Variants in PTPRT observed in about 807,000 individuals in gnomAD.
The protein encoded by PTPRT is receptor-type tyrosine-protein phosphatase T.
In PTPRT, 56 loss-of-function variants were observed where a neutral mutation model predicts 176.8. The observed-to-expected ratio is 0.32, with a 90% confidence interval of 0.26 to 0.40. The LOEUF (loss-of-function observed/expected upper bound fraction) is 0.40, where lower values mean the gene tolerates loss of function less well. Among genes scored for constraint, PTPRT ranks in the 10% least tolerant of loss-of-function variants. PTPRT has a pLI of 1.00. For missense variants in PTPRT, 1,540 were observed against 1,908.2 expected (o/e 0.81, Z 3.60); for synonymous variants, 783 against 739.0 (o/e 1.06, Z -0.96).
intron 6 of PTPRT, among the ~76,000 whole-genome samples, chr20:42,755,807 T>G (rs1392430351): frequency 6.6e-6 from 1 of 150,974 alleles, no homozygotes; most frequent in African/African-American, 2.4e-5. Context: ...AATGGGGGGG[T>G]TTAACAAAAT....
chr20:42,557,962 G>T (rs573041750), intron 7 of PTPRT, among the ~76,000 whole-genome samples: 1 of 152,298 alleles, frequency 6.6e-6, no homozygotes, highest in African/African-American at 2.4e-5. Context: ...CTGAAAGGTA[G>T]TTAGTATTGT....
chr20:42,370,554 G>C lies in PTPRT; in HGVS notation c.1561-18269C>G, dbSNP rs79777273. On this transcript the variant is annotated intron_variant, in intron 9 of 30. Transcript: ENST00000373187. ...ACAATGTAAGCCACTTACTAGCTTT[G>C]AGACTTTGGGCAAGGTGCTTAGCAT... Among the ~76,000 whole-genome samples the C allele has an allele frequency of 9.2e-5, 14 of 152,276 alleles. No homozygotes were observed. The East Asian group carries it at 2.3e-3, about 25-fold the overall frequency.
At chr20:43,020,355 T>C (rs1600653060) in intron 1 of PTPRT, among the ~76,000 whole-genome samples, 2 of 151,654 alleles carry the variant, frequency 1.3e-5, no homozygotes, top group South Asian at 4.2e-4. Context: ...AGAATACATG[T>C]TTATGTGTGC....
At chr20:42,918,759 G>A (rs962459589) in intron 1 of PTPRT, among the ~76,000 whole-genome samples, 1 of 152,132 alleles carries the variant, frequency 6.6e-6, no homozygotes, top group African/African-American at 2.4e-5. Flanking sequence ...CTGCAATCAG[G>A]GGTCAGACAG....
intron 1 of PTPRT, among the ~76,000 whole-genome samples, chr20:43,156,577 C>T (rs2014529112): frequency 6.6e-6 from 1 of 152,196 alleles, no homozygotes; most frequent in Non-Finnish European, 1.5e-5. Flanking sequence ...GTTCCAAAAC[C>T]TGTCCTGAGA....
chr20:42,692,665 AAAAAGAAAT>A (rs2075810077), intron 6 of PTPRT, among the ~76,000 whole-genome samples: 1 of 152,222 alleles, frequency 6.6e-6, no homozygotes, highest in Non-Finnish European at 1.5e-5. Flanking sequence ...ATGAGGCAAG[AAAAAGAAAT>A]AAAAGAAATA....
chr20:43,082,552 T>C (rs6072971), intron 1 of PTPRT, among the ~76,000 whole-genome samples: 70,398 of 151,924 alleles, frequency 0.46, 16,872 homozygotes, highest in East Asian at 0.75. Context: ...CATGTTAGCA[T>C]TGTCTGGAAA....
At chr20:42,737,136 T>C (rs1205766529) in intron 6 of PTPRT, among the ~76,000 whole-genome samples, 3 of 152,142 alleles carry the variant, frequency 2.0e-5, no homozygotes, top group Non-Finnish European at 4.4e-5. Context: ...AGGGTCTTTG[T>C]AGATGTAATC....
At chr20:42,783,950 C>T (rs1216360637) in intron 3 of PTPRT, among the ~76,000 whole-genome samples, 1 of 152,116 alleles carries the variant, frequency 6.6e-6, no homozygotes, top group African/African-American at 2.4e-5. Flanking sequence ...ACCCTGAGTA[C>T]AGGGAGTGGA....
chr20:43,108,522 T>G (rs1049761596), intron 1 of PTPRT, among the ~76,000 whole-genome samples: 1 of 152,124 alleles, frequency 6.6e-6, no homozygotes, highest in African/African-American at 2.4e-5. Flanking sequence ...TTGGGCGATT[T>G]GTTATGCAGC....
chr20:42,822,227 G>A (rs2077907472), intron 2 of PTPRT, among the ~76,000 whole-genome samples: 1 of 152,056 alleles, frequency 6.6e-6, no homozygotes. Flanking sequence ...GAACAGAATA[G>A]AGACCTCAGA....
chr20:42,625,438 T>G (rs2074271835), intron 7 of PTPRT, among the ~76,000 whole-genome samples: 1 of 150,876 alleles, frequency 6.6e-6, no homozygotes, highest in African/African-American at 2.4e-5. Flanking sequence ...CTTTTCTAGT[T>G]TTTTTTTTTC....
At chr20:42,971,733 A>G (rs1050956286) in intron 1 of PTPRT, among the ~76,000 whole-genome samples, 1 of 152,194 alleles carries the variant, frequency 6.6e-6, no homozygotes, top group African/African-American at 2.4e-5. Flanking sequence ...AGGATCGCCA[A>G]CACACAAGGT....
intron 1 of PTPRT, among the ~76,000 whole-genome samples, chr20:43,174,619 G>C (rs1045447097): frequency 6.6e-6 from 1 of 152,000 alleles, no homozygotes; most frequent in Non-Finnish European, 1.5e-5. Context: ...ATTCCAACTT[G>C]AGCCAAATGC....
At chr20:42,367,523 G>A (rs2058531372) in intron 9 of PTPRT, among the ~76,000 whole-genome samples, 1 of 152,136 alleles carries the variant, frequency 6.6e-6, no homozygotes, top group Non-Finnish European at 1.5e-5. Flanking sequence ...GAGAGGAGGG[G>A]AGAAAAATAT....
At chr20:42,452,061 G>A (rs992067328) in intron 8 of PTPRT, among the ~76,000 whole-genome samples, 1 of 152,154 alleles carries the variant, frequency 6.6e-6, no homozygotes, top group Non-Finnish European at 1.5e-5. Context: ...ACGAGATCAA[G>A]AGATTGAGAC....
At chr20:43,131,674 G>A (rs745420181) in intron 1 of PTPRT, among the ~76,000 whole-genome samples, 1 of 152,104 alleles carries the variant, frequency 6.6e-6, no homozygotes, top group Admixed American at 6.5e-5. Flanking sequence ...AACAAAGCCA[G>A]CATAATACTG....
the PTPRT span, among the ~76,000 whole-genome samples, chr20:42,044,572 AG>A: frequency 1.3e-5 from 2 of 152,210 alleles, no homozygotes. Context: ...ACAAAGAGGG[AG>A]GAGGCAGGAA....
At chr20:43,149,936 C>T (rs374119751) in intron 1 of PTPRT, among the ~76,000 whole-genome samples, 2 of 152,092 alleles carry the variant, frequency 1.3e-5, no homozygotes, top group East Asian at 1.9e-4. Context: ...TGTGAACATC[C>T]GTGAGATGTG....
Sources: gnomAD v4.1 joint callset for allele counts (sites outside exome capture counted in the v4.1 genomes callset) on GRCh38, gnomAD v4.1.1 for gene constraint, MANE v1.5 for transcripts, NCBI Gene and HGNC (gene_info 2026-07-23, HGNC 2026-07-21) for gene names.